POU6F2: variants seen among roughly 807,000 people sequenced by gnomAD.
The protein encoded by POU6F2 is POU domain, class 6, transcription factor 2.
Under a neutral mutation model 71.3 loss-of-function variants are expected in POU6F2, and 31 were observed. The observed-to-expected ratio is 0.43, with a 90% CI of 0.33 to 0.59. POU6F2 has a LOEUF of 0.59. POU6F2 is among the 20% of genes least tolerant of loss of function. The probability of loss-of-function intolerance (pLI) is 0.04; values close to 1 mark genes in which losing one functional copy is unlikely to be tolerated. For synonymous variants in POU6F2, 347 were observed against 355.7 expected (o/e 0.98, Z 0.27); for missense variants, 783 against 856.8 (o/e 0.91, Z 1.07).
intron 5 of POU6F2, among the ~76,000 whole-genome samples, chr7:39,379,485 A>T (rs541801332): frequency 6.6e-6 from 1 of 151,638 alleles, no homozygotes; most frequent in Non-Finnish European, 1.5e-5. Flanking sequence ...GAATCATTTC[A>T]CCTCCCTTCC....
chr7:39,454,552 A>G (rs948582654), intron 8 of POU6F2, among the ~76,000 whole-genome samples: 1 of 149,918 alleles, frequency 6.7e-6, no homozygotes, highest in African/African-American at 2.4e-5. Context: ...AGTGGGGTCA[A>G]AGACTAAATA....
intron 2 of POU6F2, among the ~76,000 whole-genome samples, chr7:39,147,470 C>T (rs959934717): frequency 2.0e-5 from 3 of 152,068 alleles, no homozygotes; most frequent in Non-Finnish European, 1.5e-5. Flanking sequence ...GAGTTGAGGT[C>T]GCTTGTAAAC....
intron 4 of POU6F2, among the ~76,000 whole-genome samples, chr7:39,212,385 T>A (rs1434373498): frequency 6.6e-6 from 1 of 152,144 alleles, no homozygotes; most frequent in Admixed American, 6.6e-5. Context: ...AGGTTCTGAG[T>A]GTTTTGAACG....
chr7:39,357,316 T>G (rs988536626), intron 5 of POU6F2, among the ~76,000 whole-genome samples: 4 of 152,208 alleles, frequency 2.6e-5, no homozygotes, highest in Non-Finnish European at 5.9e-5. Flanking sequence ...GCTGGGCACT[T>G]AACATATGCC....
intron 6 of POU6F2, among the ~76,000 whole-genome samples, chr7:39,415,020 TTTTG>T (rs1157338580): frequency 6.6e-6 from 1 of 152,040 alleles, no homozygotes; most frequent in Non-Finnish European, 1.5e-5. Context: ...TTTTTAAATT[TTTTG>T]TTTGTTTTTG....
At chr7:39,239,704 T>C (rs369878451) in intron 4 of POU6F2, among the ~76,000 whole-genome samples, 8 of 151,946 alleles carry the variant, frequency 5.3e-5, no homozygotes, top group East Asian at 3.9e-4. Flanking sequence ...TGCAAAGCAC[T>C]TAACGAAGAC....
chr7:39,392,300 T>C (rs1002310550), intron 5 of POU6F2, among the ~76,000 whole-genome samples: 2 of 152,214 alleles, frequency 1.3e-5, no homozygotes, highest in African/African-American at 2.4e-5. Flanking sequence ...AGATTGCTGC[T>C]CCAGCCCCCA....
intron 4 of POU6F2, among the ~76,000 whole-genome samples, chr7:39,263,492 T>C (rs1461254572): frequency 6.6e-6 from 1 of 152,252 alleles, no homozygotes; most frequent in African/African-American, 2.4e-5. Context: ...ATTGTGTCTT[T>C]GTTTAATTAA....
chr7:39,263,677 A>G (rs201823368), intron 4 of POU6F2, among the ~76,000 whole-genome samples: 1 of 34,832 alleles, frequency 2.9e-5, no homozygotes, highest in African/African-American at 7.2e-5. Flanking sequence ...ACACACGCAC[A>G]CACACACACA....
Position 39,460,713 on chromosome 7 carries a change from C to T in POU6F2, c.1656C>T (p.Cys552=). ...EGPAYSQSAI[C]RHTILRSHFF... ...CCGCGTACAGCCAGTCGGCCATCTG[C>T]AGGTAACGCGCGCCTGCATGCTGTC... Residue 552 remains cysteine, a splice_region_variant and synonymous_variant, in exon 9 of 10, where the codon TGC becomes TGT. Coordinates refer to ENST00000518318, the MANE Select transcript of POU6F2 (RefSeq NM_001370959.1). The surrounding 1 kb of genome is among the most constrained non-coding windows in gnomAD (Gnocchi z 4.4). 1.9e-6 allele frequency: 3 copies of T among 1,594,848 alleles called. No homozygotes were observed. The highest frequency in any genetic ancestry group is 2.6e-6 in the Non-Finnish European group (3 of 1,169,926).
At chr7:39,248,067 T>G (rs1001293114) in intron 4 of POU6F2, among the ~76,000 whole-genome samples, 9 of 152,108 alleles carry the variant, frequency 5.9e-5, no homozygotes, top group African/African-American at 1.9e-4. Flanking sequence ...GTGTTGATTT[T>G]GGTAGACTTC....
chr7:38,994,452 C>T (rs1788684655), intron 1 of POU6F2, among the ~76,000 whole-genome samples: 1 of 152,040 alleles, frequency 6.6e-6, no homozygotes, highest in African/African-American at 2.4e-5. Context: ...GACAAAGGTG[C>T]AAATGAGGCT....
At chr7:39,290,602 A>G (rs761674142) in intron 4 of POU6F2, among the ~76,000 whole-genome samples, 11 of 152,214 alleles carry the variant, frequency 7.2e-5, no homozygotes, top group Non-Finnish European at 1.3e-4. Flanking sequence ...GTAAATTTAA[A>G]TTAACTGAGA....
intron 2 of POU6F2, among the ~76,000 whole-genome samples, chr7:39,199,026 G>A (rs1476839150): frequency 1.3e-5 from 2 of 152,222 alleles, no homozygotes; most frequent in Non-Finnish European, 2.9e-5. Flanking sequence ...GAATACCAGA[G>A]AAAGCTGAGG....
intron 4 of POU6F2, among the ~76,000 whole-genome samples, chr7:39,216,154 A>C (rs1562750544): frequency 6.6e-6 from 1 of 152,164 alleles, no homozygotes; most frequent in African/African-American, 2.4e-5. Flanking sequence ...ACCCTAAAGG[A>C]AGAGAGGAGG....
At chr7:39,075,079 G>A (rs10234944) in intron 1 of POU6F2, among the ~76,000 whole-genome samples, 7,019 of 152,234 alleles carry the variant, frequency 0.046, 233 homozygotes, top group Non-Finnish European at 0.067. Context: ...GGGGCTGTTC[G>A]AGGTCGCAGG....
intron 2 of POU6F2, among the ~76,000 whole-genome samples, chr7:39,197,723 A>G (rs1183255794): frequency 6.6e-6 from 1 of 152,242 alleles, no homozygotes; most frequent in South Asian, 2.1e-4. Context: ...TTTAAAAATC[A>G]GACAAACTAT....
At chr7:39,050,162 C>A (rs1388600347) in intron 1 of POU6F2, among the ~76,000 whole-genome samples, 1 of 151,938 alleles carries the variant, frequency 6.6e-6, no homozygotes, top group Non-Finnish European at 1.5e-5. Context: ...GGACACTACT[C>A]TCTGCTTAGC....
rs192564361 is a variant in POU6F2 at position 39,025,908 on chromosome 7, A to G, written c.105+47850A>G. On this transcript the variant is annotated intron_variant, in intron 1 of 9. Transcript: ENST00000518318. ...GAACTCAAACAAATTTACAAGAAAA[A>G]AACAAACAACCCCATCAAACAGTGG... Among the ~76,000 whole-genome samples the G allele has an allele frequency of 1.2e-4, 18 of 152,272 alleles. No individual in the cohort carries two copies. In the East Asian group the frequency reaches 3.3e-3, roughly 28 times the overall value.
Sources: allele counts gnomAD v4.1 joint callset (sites outside exome capture counted in the v4.1 genomes callset), GRCh38; gene constraint gnomAD v4.1.1; non-coding constraint Gnocchi (gnomAD v3.1); transcripts MANE v1.5; gene names NCBI Gene and HGNC (gene_info 2026-07-23, HGNC 2026-07-21).